The following MPDZ variants were observed in gnomAD, a reference collection of about 807,000 sequenced individuals.
The protein encoded by MPDZ is multiple PDZ domain crumbs cell polarity complex component.
A neutral mutation model predicts 239.1 loss-of-function variants in MPDZ; 234 were observed. The observed-to-expected ratio is 0.98, with a 90% CI of 0.88 to 1.09. The LOEUF (loss-of-function observed/expected upper bound fraction) is 1.09. MPDZ is among the 50% of genes least tolerant of loss of function. The pLI is 0.00. For missense variants in MPDZ, 3,175 were observed against 2,510.0 expected (o/e 1.26, Z -5.66); for synonymous variants, 1,048 against 881.3 (o/e 1.19, Z -3.35).
At chr9:13,157,425 A>C (rs746903316) in intron 24 of MPDZ, among the ~76,000 whole-genome samples, 1 of 152,186 alleles carries the variant, frequency 6.6e-6, no homozygotes, top group African/African-American at 2.4e-5. Context: ...CTAGGTCCAT[A>C]ATCAGGACTC....
chr9:13,225,601 C>T (rs1960324344), intron 3 of MPDZ, among the ~76,000 whole-genome samples: 2 of 151,844 alleles, frequency 1.3e-5, no homozygotes, highest in Non-Finnish European at 2.9e-5. Context: ...TTTACTGTAC[C>T]TTTTCTATAT....
At chr9:13,108,881 C>T in intron 46 of MPDZ, 55 bp downstream of exon 46, 1 of 1,564,508 alleles carries the variant, frequency 6.4e-7, no homozygotes, top group Non-Finnish European at 8.7e-7. Flanking sequence ...CAGCTGCTGA[C>T]CACTATTAAT....
intron 13 of MPDZ, 65 bp from the exon 14 acceptor site, chr9:13,193,378 A>ATTTTATG: frequency 6.8e-7 from 1 of 1,468,800 alleles, no homozygotes; most frequent in Non-Finnish European, 9.1e-7. Flanking sequence ...TCATGCACAC[A>ATTTTATG]TTTTATGTTT....
chr9:13,245,140 T>C, intron 3 of MPDZ, among the ~76,000 whole-genome samples: 1 of 152,090 alleles, frequency 6.6e-6, no homozygotes, highest in African/African-American at 2.4e-5. Flanking sequence ...AAATTATAAT[T>C]ATTAATAAAT....
At chr9:13,126,166 T>C (rs748737108) in intron 34 of MPDZ, among the ~76,000 whole-genome samples, 1 of 152,204 alleles carries the variant, frequency 6.6e-6, no homozygotes, top group African/African-American at 2.4e-5. Context: ...AATCTGTTTA[T>C]AAAGTAGTAT....
At chr9:13,246,227 C>A (rs925040120) in intron 3 of MPDZ, among the ~76,000 whole-genome samples, 1 of 152,118 alleles carries the variant, frequency 6.6e-6, no homozygotes, top group Non-Finnish European at 1.5e-5. Flanking sequence ...GCGGATAGAT[C>A]ATTTGAGGTC....
chr9:13,238,967 G>T (rs1964736293), intron 3 of MPDZ, among the ~76,000 whole-genome samples: 1 of 151,994 alleles, frequency 6.6e-6, no homozygotes, highest in Non-Finnish European at 1.5e-5. Context: ...TCTGAATTTT[G>T]ATTTCTAACA....
At chr9:13,219,972 T>C (rs1034663539) in intron 7 of MPDZ, among the ~76,000 whole-genome samples, 26 of 152,102 alleles carry the variant, frequency 1.7e-4, no homozygotes, top group Admixed American at 8.5e-4. Context: ...AATTCACATA[T>C]AGTCTTTAAA....
intron 21 of MPDZ, among the ~76,000 whole-genome samples, chr9:13,170,316 T>C (rs185833662): frequency 1.3e-5 from 2 of 152,324 alleles, no homozygotes; most frequent in East Asian, 1.9e-4. Flanking sequence ...TAATATTTCA[T>C]AGTGGATGTG....
intron 18 of MPDZ, among the ~76,000 whole-genome samples, chr9:13,185,616 T>C (rs1313520831): frequency 6.6e-6 from 1 of 152,140 alleles, no homozygotes; most frequent in African/African-American, 2.4e-5. Flanking sequence ...GCCTGGTATT[T>C]AGTTTTATCC....
chr9:13,138,261 A>G (rs1279569456), intron 28 of MPDZ, 108 bp from the exon 29 acceptor site: 2 of 1,197,296 alleles, frequency 1.7e-6, no homozygotes, highest in Non-Finnish European at 2.2e-6. Context: ...TTTTATACCA[A>G]AATGTACGCT....
intron 24 of MPDZ, among the ~76,000 whole-genome samples, chr9:13,153,213 G>A (rs1463652673): frequency 6.6e-6 from 1 of 152,130 alleles, no homozygotes; most frequent in Non-Finnish European, 1.5e-5. Flanking sequence ...CAGCTGAAAT[G>A]AAAGCAGACA....
chr9:13,196,271 A>G, intron 12 of MPDZ, 41 bp from the exon 13 acceptor site: 1 of 1,346,098 alleles, frequency 7.4e-7, no homozygotes, highest in Non-Finnish European at 1.0e-6. Flanking sequence ...CAAACTACAG[A>G]AATCTCCACA....
intron 39 of MPDZ, among the ~76,000 whole-genome samples, chr9:13,117,031 G>A: frequency 6.6e-6 from 1 of 151,890 alleles, no homozygotes; most frequent in Non-Finnish European, 1.5e-5. Context: ...TATATACTAT[G>A]TTTTTTCCTA....
intron 13 of MPDZ, among the ~76,000 whole-genome samples, chr9:13,194,664 T>A (rs1955408233): frequency 6.6e-6 from 1 of 152,142 alleles, no homozygotes. Context: ...TATACCTATG[T>A]AACAAACCTG....
chr9:13,211,130 T>C (rs1422901711), intron 10 of MPDZ, among the ~76,000 whole-genome samples: 1 of 152,132 alleles, frequency 6.6e-6, no homozygotes, highest in Admixed American at 6.6e-5. Flanking sequence ...ATTAGACTAT[T>C]ATTTAGTATG....
intron 23 of MPDZ, among the ~76,000 whole-genome samples, chr9:13,160,196 T>C (rs981281469): frequency 2.6e-5 from 4 of 152,166 alleles, no homozygotes; most frequent in Non-Finnish European, 5.9e-5. Flanking sequence ...TGCAATTCCT[T>C]CCTTGCTTCC....
chr9:13,208,330 T>C (rs957662736), intron 10 of MPDZ, among the ~76,000 whole-genome samples: 1 of 151,868 alleles, frequency 6.6e-6, no homozygotes, highest in African/African-American at 2.4e-5. Flanking sequence ...TGTAATCCCA[T>C]CTACTCAGGA....
At chr9:13,188,192 AT>A (rs1954393026) in intron 17 of MPDZ, among the ~76,000 whole-genome samples, 1 of 152,108 alleles carries the variant, frequency 6.6e-6, no homozygotes, top group Non-Finnish European at 1.5e-5. Context: ...AAAATATTTG[AT>A]TTTGCATTAA....
Sources: allele counts gnomAD v4.1 joint callset (sites outside exome capture counted in the v4.1 genomes callset), GRCh38; gene constraint gnomAD v4.1.1; transcripts MANE v1.5; gene names NCBI Gene and HGNC (gene_info 2026-07-23, HGNC 2026-07-21).